The following SEMA5B variants were observed in gnomAD, a reference collection of about 807,000 sequenced individuals.
SEMA5B encodes semaphorin 5B.
In SEMA5B, 66 loss-of-function variants were observed where a neutral mutation model predicts 135.0. The ratio of observed to expected loss-of-function variants is 0.49; its 90% confidence interval spans 0.40 to 0.60. SEMA5B has a LOEUF of 0.60. Among genes scored for constraint, SEMA5B ranks in the 20% least tolerant of loss-of-function variants. SEMA5B has a pLI of 0.00. For missense variants in SEMA5B, 1,501 were observed against 1,566.3 expected (o/e 0.96, Z 0.70); for synonymous variants, 690 against 639.5 (o/e 1.08, Z -1.19).
chr3:123,005,396 C>G (rs1272820160), intron 1 of SEMA5B, among the ~76,000 whole-genome samples: 1 of 152,104 alleles, frequency 6.6e-6, no homozygotes, highest in African/African-American at 2.4e-5. Context: ...GGGTCTTGCT[C>G]TGTTGCCCAG....
At chr3:122,911,109 C>T (rs1347581995) in intron 21 of SEMA5B, 64 bp from the exon 22 acceptor site, 17 of 1,391,370 alleles carry the variant, frequency 1.2e-5, no homozygotes, top group Non-Finnish European at 1.6e-5. Context: ...TCCTGCCTGC[C>T]TCCCTGGGAG....
chr3:122,938,783 C>A (rs982671619), intron 5 of SEMA5B, among the ~76,000 whole-genome samples: 2 of 152,218 alleles, frequency 1.3e-5, no homozygotes, highest in Non-Finnish European at 2.9e-5. Context: ...CAATATTCAG[C>A]CTCTGCAAAG....
At chr3:122,994,576 C>A (rs2107732328) in intron 1 of SEMA5B, among the ~76,000 whole-genome samples, 1 of 152,284 alleles carries the variant, frequency 6.6e-6, no homozygotes, top group East Asian at 1.9e-4. Flanking sequence ...CTGGGAGGAG[C>A]TCTTTGGAGA....
Position 122,915,538 on chromosome 3 carries a change from G to A in SEMA5B, c.1890C>T (p.Gly630=), listed in dbSNP as rs1359453326. 21 of 1,614,122 alleles carry A rather than the reference G, an allele frequency of 1.3e-5. No individual in the cohort carries two copies. The East Asian group carries it at 4.7e-4, about 36-fold the overall frequency. The change falls in exon 14 of 23, where the codon GGC becomes GGT. Residue 630 remains glycine (G), a synonymous_variant. Transcript: ENST00000357599. ...PCEHLDGDNS[G]SCLCRARSCD... ...AGGATCGAGCTCGACACAGGCAAGA[G>A]CCTGAGTTGTCCCCATCCAAGTGCT...
intron 5 of SEMA5B, among the ~76,000 whole-genome samples, chr3:122,935,682 C>CTTTCTTTTTTTTTTTT (rs1939232832): frequency 1.4e-5 from 1 of 70,740 alleles, no homozygotes; most frequent in African/African-American, 5.6e-5. Flanking sequence ...CTTTTTCTTT[C>CTTTCTTTTTTTTTTTT]TTTCTTTTTT....
chr3:122,935,168 T>C lies in SEMA5B; in HGVS notation c.474+4257A>G, dbSNP rs75127926. On this transcript the variant is annotated intron_variant, in intron 5 of 22. Transcript: ENST00000357599. ...ACTGGGAACTCCATGGGAGGTCTCA[T>C]AGAGACTGGTGGGCTTCTTGTAGGG... Among the ~76,000 whole-genome samples the C allele has an allele frequency of 8.5e-5, 13 of 152,340 alleles. No individual in the cohort carries two copies. The East Asian group carries it at 2.3e-3, about 27-fold the overall frequency.
intron 22 of SEMA5B, among the ~76,000 whole-genome samples, 170 bp downstream of exon 22, chr3:122,910,670 C>T (rs375656048): frequency 1.3e-5 from 2 of 151,978 alleles, no homozygotes; most frequent in Admixed American, 6.5e-5. Flanking sequence ...ATTAGCCGGG[C>T]GTAGTGGCGG....
chr3:122,958,817 C>A (rs1457696371), intron 2 of SEMA5B, among the ~76,000 whole-genome samples: 1 of 152,098 alleles, frequency 6.6e-6, no homozygotes, highest in Non-Finnish European at 1.5e-5. Flanking sequence ...CTCCCAGGGG[C>A]AACTTCATCC....
At chr3:123,003,109 T>G (rs1388048972) in intron 1 of SEMA5B, among the ~76,000 whole-genome samples, 1 of 151,886 alleles carries the variant, frequency 6.6e-6, no homozygotes, top group Non-Finnish European at 1.5e-5. Context: ...TTTAAGTTTT[T>G]TGAATGTCCA....
chr3:122,972,984 T>C (rs1941183963), intron 1 of SEMA5B, among the ~76,000 whole-genome samples: 1 of 152,216 alleles, frequency 6.6e-6, no homozygotes, highest in Admixed American at 6.5e-5. Context: ...CCCCAGCCAC[T>C]GGGAGCTGGG....
rs1349462711 is a variant in SEMA5B, at chr3:122,913,550, C to T, written c.2264G>A (p.Cys755Tyr). 1 of 1,612,402 alleles carries T rather than the reference C, an allele frequency of 6.2e-7. No individual in the cohort carries two copies. The highest frequency in any genetic ancestry group is 1.1e-5 in the South Asian group (1 of 90,988). The change falls in exon 16 of 23, where the codon TGC (cysteine) becomes TAC (tyrosine). Residue 755 changes from cysteine (C) to tyrosine (Y), a missense_variant. Transcript: ENST00000357599. ...AACCCTCACCACGCCGCAGCCCAGG[C>T]AGGAGTTGCCGTTCTCGCAGGCCCG... ...RRRACENGNS[C>Y]LGCGVEFKTC...
At chr3:122,985,333 A>T (rs1024938241) in intron 1 of SEMA5B, among the ~76,000 whole-genome samples, 2 of 152,078 alleles carry the variant, frequency 1.3e-5, no homozygotes, top group Non-Finnish European at 2.9e-5. Flanking sequence ...TCTCTAAATT[A>T]AAAAAATTTT....
chr3:122,931,020 C>A (rs1044620096), intron 5 of SEMA5B, among the ~76,000 whole-genome samples: 2 of 152,022 alleles, frequency 1.3e-5, no homozygotes, highest in Non-Finnish European at 2.9e-5. Context: ...CACAGAATGG[C>A]TTTTTTGAGA....
intron 1 of SEMA5B, among the ~76,000 whole-genome samples, chr3:122,964,311 ATATGAGCCAAG>A (rs1354678205): frequency 1.3e-5 from 2 of 152,174 alleles, no homozygotes; most frequent in Non-Finnish European, 2.9e-5. Context: ...GACATGTGAC[ATATGAGCCAAG>A]TATGTGGGGT....
rs16833754 is a variant in SEMA5B, at chr3:122,999,533, A to G, written c.-39+27931T>C. On this transcript the variant is annotated intron_variant, in intron 1 of 22. Coordinates refer to ENST00000357599, the MANE Select transcript of SEMA5B (RefSeq NM_001031702.4). Reference sequence around the variant, plus strand: ...AGCCACCATGCCCGGCCTTAAGTAGATTTTTTTTTTTTTAAACCCACCAAA... The same window carrying G: ...AGCCACCATGCCCGGCCTTAAGTAGGTTTTTTTTTTTTTAAACCCACCAAA... Among the ~76,000 whole-genome samples the G allele has an allele frequency of 2.4e-3, 347 of 146,882 alleles. 1 individual carries two copies. The highest frequency in any genetic ancestry group is 7.5e-3 in the African/African-American group (300 of 40,264).
rs766120857 is a variant in SEMA5B at position 122,961,318 on chromosome 3, T to C, written c.-38-17A>G. On this transcript the variant is annotated splice_polypyrimidine_tract_variant and intron_variant, in intron 1 of 22. Transcript: ENST00000357599. Reference sequence around the variant, plus strand: ...AACCACTCACTGAAGGGGGAGAATTTTGGGTAAGTCATGGATACATGATGA... The same window carrying C: ...AACCACTCACTGAAGGGGGAGAATTCTGGGTAAGTCATGGATACATGATGA... 1.9e-6 allele frequency: 3 copies of C among 1,611,126 alleles called. No individual in the cohort carries two copies. Among genetic ancestry groups the C allele is most frequent in the South Asian group, 2.2e-5 (2 of 90,482 alleles).
chr3:122,999,511 C>T (rs1260851599), intron 1 of SEMA5B, among the ~76,000 whole-genome samples: 1 of 151,622 alleles, frequency 6.6e-6, no homozygotes, highest in Admixed American at 6.6e-5. Flanking sequence ...AGGAGTGAGC[C>T]ACCATGCCCG....
chr3:123,004,370 G>T (rs1318582547), intron 1 of SEMA5B, among the ~76,000 whole-genome samples: 5 of 152,160 alleles, frequency 3.3e-5, no homozygotes, highest in African/African-American at 7.2e-5. Context: ...AAACCTCAGG[G>T]GGCCATTTGG....
intron 5 of SEMA5B, among the ~76,000 whole-genome samples, chr3:122,937,421 C>T (rs1429067826): frequency 6.6e-6 from 1 of 152,236 alleles, no homozygotes; most frequent in African/African-American, 2.4e-5. Flanking sequence ...CACACCCCAA[C>T]CTCTTGCTTG....
Sources: allele counts gnomAD v4.1 joint callset (sites outside exome capture counted in the v4.1 genomes callset), GRCh38; gene constraint gnomAD v4.1.1; transcripts MANE v1.5; gene names NCBI Gene and HGNC (gene_info 2026-07-23, HGNC 2026-07-21).